The following FIGN variants were observed in gnomAD, a reference collection of about 807,000 sequenced individuals.
FIGN encodes fidgetin, microtubule severing factor.
FIGN carries 11 observed loss-of-function variants against 51.3 expected under a neutral mutation model. The ratio of observed to expected loss-of-function variants is 0.21; its 90% CI spans 0.13 to 0.35. The LOEUF is 0.35. Among genes scored for constraint, FIGN ranks in the 10% least tolerant of loss-of-function variants. FIGN has a pLI of 1.00. For missense variants in FIGN, 857 were observed against 943.6 expected, an observed-to-expected ratio of 0.91 and a Z score of 1.20; for synonymous variants, 407 against 363.2, an observed-to-expected ratio of 1.12 and a Z score of -1.37.
chr2:163,641,585 GA>G (rs1246769518), intron 2 of FIGN, among the ~76,000 whole-genome samples: 1 of 152,116 alleles, frequency 6.6e-6, no homozygotes, highest in African/African-American at 2.4e-5. Flanking sequence ...CACCTTTTCA[GA>G]AAATTAAAAA....
At chr2:163,649,899 C>T (rs140321758) in intron 2 of FIGN, among the ~76,000 whole-genome samples, 1 of 152,282 alleles carries the variant, frequency 6.6e-6, no homozygotes, top group African/African-American at 2.4e-5. Context: ...CATCACTTAT[C>T]TCATTAAACC....
At chr2:163,662,394 A>T (rs1683704131) in intron 2 of FIGN, among the ~76,000 whole-genome samples, 1 of 152,216 alleles carries the variant, frequency 6.6e-6, no homozygotes, top group Admixed American at 6.5e-5. Context: ...GAAACAGCAT[A>T]AAAGTTCAGA....
chr2:163,687,996 T>C (rs191438099), intron 2 of FIGN, among the ~76,000 whole-genome samples: 148 of 152,292 alleles, frequency 9.7e-4, no homozygotes, highest in African/African-American at 3.5e-3. Flanking sequence ...ACACGTCAAC[T>C]ATACGTCACA....
chr2:163,693,618 TACAC>T (rs953191506), intron 2 of FIGN, among the ~76,000 whole-genome samples: 1 of 151,902 alleles, frequency 6.6e-6, no homozygotes, highest in Non-Finnish European at 1.5e-5. Flanking sequence ...ACAGATAACA[TACAC>T]ACACACACTT....
At chr2:163,724,207 C>T (rs943663194) in intron 2 of FIGN, among the ~76,000 whole-genome samples, 1 of 152,144 alleles carries the variant, frequency 6.6e-6, no homozygotes, top group Non-Finnish European at 1.5e-5. Flanking sequence ...TGACACTGTC[C>T]TTCATCATCG....
At chr2:163,681,458 C>T (rs888122083) in intron 2 of FIGN, among the ~76,000 whole-genome samples, 1 of 152,038 alleles carries the variant, frequency 6.6e-6, no homozygotes, top group Non-Finnish European at 1.5e-5. Flanking sequence ...TAATTATAAT[C>T]CCAGCACTAT....
chr2:163,706,071 C>A (rs1367839188), intron 2 of FIGN, among the ~76,000 whole-genome samples: 3 of 152,142 alleles, frequency 2.0e-5, no homozygotes, highest in Non-Finnish European at 2.9e-5. Context: ...TCAGCTTCCT[C>A]TGGGGCTCTG....
At chr2:163,689,806 T>G (rs141594301) in intron 2 of FIGN, among the ~76,000 whole-genome samples, 1 of 152,268 alleles carries the variant, frequency 6.6e-6, no homozygotes, top group African/African-American at 2.4e-5. Context: ...CGCTGGTTTA[T>G]GAGCCCAAGG....
intron 2 of FIGN, among the ~76,000 whole-genome samples, chr2:163,687,006 A>C (rs544760293): frequency 5.4e-5 from 8 of 146,966 alleles, no homozygotes; most frequent in Non-Finnish European, 7.5e-5. Flanking sequence ...TATGTGTGAG[A>C]TTGTGTACAC....
intron 2 of FIGN, among the ~76,000 whole-genome samples, chr2:163,624,207 T>C (rs2105307026): frequency 6.6e-6 from 1 of 152,192 alleles, no homozygotes; most frequent in Admixed American, 6.5e-5. Flanking sequence ...TTTTATTTTT[T>C]CCCACCCAAT....
intron 2 of FIGN, among the ~76,000 whole-genome samples, chr2:163,675,332 C>T (rs1322337999): frequency 1.3e-5 from 2 of 152,234 alleles, no homozygotes; most frequent in South Asian, 4.1e-4. Context: ...GAATACGTGA[C>T]ATCACACACA....
chr2:163,649,844 C>T (rs368290176), intron 2 of FIGN, among the ~76,000 whole-genome samples: 3 of 152,162 alleles, frequency 2.0e-5, no homozygotes, highest in Non-Finnish European at 2.9e-5. Flanking sequence ...CTTATCCCTG[C>T]GGAGCATGGA....
intron 2 of FIGN, among the ~76,000 whole-genome samples, chr2:163,667,084 C>T (rs1484258193): frequency 6.6e-6 from 1 of 151,996 alleles, no homozygotes; most frequent in African/African-American, 2.4e-5. Flanking sequence ...TAGTGTCACC[C>T]CAGAGGCATA....
At chr2:163,700,342 G>A (rs1684389122) in intron 2 of FIGN, among the ~76,000 whole-genome samples, 1 of 152,136 alleles carries the variant, frequency 6.6e-6, no homozygotes, top group South Asian at 2.1e-4. Context: ...GTGGAAGCAT[G>A]TGAATAATGA....
At chr2:163,704,605 C>A (rs1188642186) in intron 2 of FIGN, among the ~76,000 whole-genome samples, 3 of 149,830 alleles carry the variant, frequency 2.0e-5, no homozygotes, top group Non-Finnish European at 4.4e-5. Flanking sequence ...ATGGGAATAA[C>A]CCACAGACTG....
intron 2 of FIGN, among the ~76,000 whole-genome samples, chr2:163,696,185 GATCTAAAA>G (rs1478690792): frequency 6.6e-6 from 1 of 151,988 alleles, no homozygotes; most frequent in African/African-American, 2.4e-5. Context: ...AAGAAACAGT[GATCTAAAA>G]AGAAGAAGAC....
chr2:163,653,560 A>G (rs1331127218), intron 2 of FIGN, among the ~76,000 whole-genome samples: 1 of 152,144 alleles, frequency 6.6e-6, no homozygotes, highest in Non-Finnish European at 1.5e-5. Flanking sequence ...CCAGAAGCCA[A>G]TTATGGTTTC....
intron 2 of FIGN, among the ~76,000 whole-genome samples, chr2:163,651,235 T>A (rs1193599188): frequency 6.6e-6 from 1 of 152,078 alleles, no homozygotes; most frequent in Non-Finnish European, 1.5e-5. Context: ...GGCCAAGGCA[T>A]GTGGATCACG....
chr2:163,722,854 T>G (rs1266167594), intron 2 of FIGN, among the ~76,000 whole-genome samples: 6 of 152,036 alleles, frequency 3.9e-5, no homozygotes, highest in Non-Finnish European at 8.8e-5. Flanking sequence ...TCTTTAAATA[T>G]TTAAAAATCA....
Sources: gnomAD v4.1 joint callset for allele counts (sites outside exome capture counted in the v4.1 genomes callset) on GRCh38, gnomAD v4.1.1 for gene constraint, MANE v1.5 for transcripts, NCBI Gene and HGNC (gene_info 2026-07-23, HGNC 2026-07-21) for gene names.